Variants in ZFPM2 observed in about 807,000 individuals in gnomAD.
ZFPM2 encodes zinc finger protein, FOG family member 2, also known as zinc finger protein ZFPM2.
Under a neutral mutation model 98.6 loss-of-function variants are expected in ZFPM2, and 20 were observed. The observed-to-expected ratio is 0.20, with a 90% CI of 0.14 to 0.29. The LOEUF (loss-of-function observed/expected upper bound fraction) is 0.29. Ranked by LOEUF, ZFPM2 falls within the 10% of genes least tolerant of loss-of-function variation. ZFPM2 has a pLI of 1.00. For synonymous variants in ZFPM2, 518 were observed against 502.7 expected, an observed-to-expected ratio of 1.03 and a Z score of -0.41; for missense variants, 1,310 against 1,388.6, an observed-to-expected ratio of 0.94 and a Z score of 0.90.
chr8:105,797,816 G>A (rs916376094), intron 6 of ZFPM2, among the ~76,000 whole-genome samples: 2 of 152,084 alleles, frequency 1.3e-5, no homozygotes, highest in Admixed American at 6.5e-5. Flanking sequence ...CTCCACTCCT[G>A]CCATCAGCCT....
chr8:105,699,387 C>A (rs774986915), intron 5 of ZFPM2, among the ~76,000 whole-genome samples: 5 of 152,056 alleles, frequency 3.3e-5, no homozygotes, highest in African/African-American at 4.8e-5. Flanking sequence ...ATTAAAGAGA[C>A]TTTGGTCACT....
chr8:105,384,920 ACTACC>A (rs1428187794), intron 1 of ZFPM2, among the ~76,000 whole-genome samples: 4 of 152,138 alleles, frequency 2.6e-5, no homozygotes, highest in African/African-American at 9.7e-5. Flanking sequence ...TGTCCCAAAC[ACTACC>A]CTAAGCACTT....
At chr8:105,738,769 T>C (rs1258073525) in intron 5 of ZFPM2, among the ~76,000 whole-genome samples, 2 of 152,020 alleles carry the variant, frequency 1.3e-5, no homozygotes, top group Admixed American at 1.3e-4. Flanking sequence ...TAATGACCAG[T>C]GATGTCAAGC....
chr8:105,448,936 T>C (rs1333670390), intron 3 of ZFPM2, among the ~76,000 whole-genome samples: 3 of 152,052 alleles, frequency 2.0e-5, no homozygotes, highest in African/African-American at 7.2e-5. Flanking sequence ...AAATAGTGTT[T>C]ACATCCCTGG....
At chr8:105,666,909 A>G (rs1328653691) in intron 5 of ZFPM2, among the ~76,000 whole-genome samples, 4 of 152,210 alleles carry the variant, frequency 2.6e-5, no homozygotes, top group African/African-American at 7.2e-5. Flanking sequence ...TGCCTCTTTA[A>G]TATTCCATGT....
chr8:105,382,434 G>GT (rs1182114936), intron 1 of ZFPM2, among the ~76,000 whole-genome samples: 1 of 151,746 alleles, frequency 6.6e-6, no homozygotes, highest in Non-Finnish European at 1.5e-5. Flanking sequence ...AACTATAGAA[G>GT]TTTTTTTATT....
At chr8:105,460,791 G>A (rs1449633940) in intron 3 of ZFPM2, among the ~76,000 whole-genome samples, 9 of 149,938 alleles carry the variant, frequency 6.0e-5, no homozygotes, top group South Asian at 2.1e-4. Context: ...ATCCTGAAAA[G>A]AAAAAAAAAA....
At chr8:105,621,844 T>G (rs1816557953) in intron 4 of ZFPM2, among the ~76,000 whole-genome samples, 1 of 152,150 alleles carries the variant, frequency 6.6e-6, no homozygotes, top group Admixed American at 6.6e-5. Context: ...AACGATTATT[T>G]TATTATTAGT....
intron 4 of ZFPM2, among the ~76,000 whole-genome samples, chr8:105,603,584 T>C (rs1300374035): frequency 6.6e-6 from 1 of 152,158 alleles, no homozygotes; most frequent in Non-Finnish European, 1.5e-5. Flanking sequence ...GTTTCTGTAA[T>C]ATTATCTATG....
At chr8:105,608,590 T>G (rs865821649) in intron 4 of ZFPM2, among the ~76,000 whole-genome samples, 1,755 of 150,694 alleles carry the variant, frequency 0.012, 29 homozygotes, top group African/African-American at 0.04. Flanking sequence ...GTTTTTTTTT[T>G]TTTTTTTTTT....
intron 1 of ZFPM2, among the ~76,000 whole-genome samples, chr8:105,374,413 T>A (rs1246007316): frequency 1.3e-5 from 2 of 152,132 alleles, no homozygotes; most frequent in Admixed American, 6.6e-5. Context: ...AGAATTTTTT[T>A]TTTTTTGAGA....
chr8:105,510,466 A>G (rs1251353943), intron 3 of ZFPM2, among the ~76,000 whole-genome samples: 4 of 148,804 alleles, frequency 2.7e-5, no homozygotes, highest in Admixed American at 2.0e-4. Flanking sequence ...TCTCTTGGAG[A>G]TGATTCACTA....
intron 5 of ZFPM2, among the ~76,000 whole-genome samples, chr8:105,661,749 T>C (rs1817392946): frequency 6.6e-6 from 1 of 151,738 alleles, no homozygotes; most frequent in Non-Finnish European, 1.5e-5. Context: ...AAGACTGAAA[T>C]GTTAAAGAAA....
At chr8:105,583,120 A>G (rs1255986620) in intron 4 of ZFPM2, among the ~76,000 whole-genome samples, 2 of 152,222 alleles carry the variant, frequency 1.3e-5, no homozygotes, top group African/African-American at 2.4e-5. Flanking sequence ...TTATGAAGCC[A>G]GTCTCTTTAT....
chr8:105,589,756 T>C (rs544061255), intron 4 of ZFPM2, among the ~76,000 whole-genome samples: 1 of 152,314 alleles, frequency 6.6e-6, no homozygotes, highest in East Asian at 1.9e-4. Flanking sequence ...TCTTGCTCTG[T>C]TGCCCAGGCT....
rs79130934 is a variant in ZFPM2 at position 105,594,892 on chromosome 8, C to G, written c.420+33411C>G. Among the ~76,000 whole-genome samples the G allele has an allele frequency of 1.7e-3, 252 of 152,158 alleles. 2 individuals carry two copies. In the East Asian group the frequency reaches 0.046, roughly 28 times the overall value. On this transcript the variant is annotated intron_variant, in intron 4 of 7. Coordinates refer to ENST00000407775, the MANE Select transcript of ZFPM2 (RefSeq NM_012082.4). ...ATTTAGTCTCTGCCCTCAAGGAGCT[C>G]AGTCCAATGAGAGAATCAGATACAT...
At chr8:105,738,083 T>A (rs1812123320) in intron 5 of ZFPM2, among the ~76,000 whole-genome samples, 2 of 151,980 alleles carry the variant, frequency 1.3e-5, no homozygotes, top group South Asian at 4.1e-4. Context: ...TAAACTTGTG[T>A]CATGGGGGTT....
intron 5 of ZFPM2, chr8:105,787,509 G>C (rs1284940273): frequency 6.6e-6 from 1 of 152,110 alleles, no homozygotes; most frequent in South Asian, 2.1e-4. Flanking sequence ...ACAATGTTCT[G>C]ATTCTTCTGT....
intron 3 of ZFPM2, among the ~76,000 whole-genome samples, chr8:105,510,297 A>T (rs904441353): frequency 6.6e-6 from 1 of 152,194 alleles, no homozygotes. Context: ...TTTACATTTA[A>T]AAAATCCAAG....
Sources: gnomAD v4.1 joint callset for allele counts (sites outside exome capture counted in the v4.1 genomes callset) on GRCh38, gnomAD v4.1.1 for gene constraint, MANE v1.5 for transcripts, NCBI Gene and HGNC (gene_info 2026-07-23, HGNC 2026-07-21) for gene names.